Variants in PSD3 observed in about 807,000 individuals in gnomAD.
The protein encoded by PSD3 is pleckstrin and Sec7 domain containing 3.
PSD3 carries 49 observed loss-of-function variants against 105.5 expected under a neutral mutation model. The observed-to-expected ratio is 0.46, with a 90% CI of 0.37 to 0.59. PSD3 has a LOEUF of 0.59. PSD3 is among the 20% of genes least tolerant of loss of function. PSD3 has a pLI of 0.00. For missense variants in PSD3, 1,561 were observed against 1,263.8 expected (o/e 1.24, Z -3.57); for synonymous variants, 557 against 457.8 (o/e 1.22, Z -2.77).
intron 1 of PSD3, among the ~76,000 whole-genome samples, chr8:18,954,191 A>G (rs2129470235): frequency 6.6e-6 from 1 of 152,206 alleles, no homozygotes; most frequent in South Asian, 2.1e-4. Context: ...AAATATTAAC[A>G]CGGCACATAA....
At chr8:18,785,438 C>T (rs1458398574) in intron 8 of PSD3, among the ~76,000 whole-genome samples, 1 of 152,102 alleles carries the variant, frequency 6.6e-6, no homozygotes, top group East Asian at 1.9e-4. Flanking sequence ...TCACCTCTCT[C>T]GACCTTCATA....
rs61695066 is a variant in PSD3 at position 19,064,368 on chromosome 8, G to GTTATT, written c.324+19837_324+19838insAATAA. On this transcript the variant is annotated intron_variant, in intron 1 of 1. Coordinates refer to the PSD3 transcript ENST00000521475. ...AAAAATATTTTTAATTATTAACTATGTTAATTATCTATTTTTAACTGTTAT... is the reference window on the plus strand; with the variant it reads ...AAAAATATTTTTAATTATTAACTATGTTATTTTAATTATCTATTTTTAACTGTTAT... 3.2e-3 allele frequency among the ~76,000 whole-genome samples: 485 copies of GTTATT among 152,040 alleles called. 7 individuals carry two copies. The East Asian group carries it at 0.037, about 12-fold the overall frequency.
chr8:19,072,717 T>A (rs538987132), intron 1 of PSD3, among the ~76,000 whole-genome samples: 2 of 152,238 alleles, frequency 1.3e-5, no homozygotes, highest in Non-Finnish European at 2.9e-5. Flanking sequence ...GAGCCAAAAT[T>A]CGGGTGGATG....
intron 8 of PSD3, chr8:18,775,017 TC>T (rs1339967391): frequency 2.2e-6 from 1 of 453,634 alleles, no homozygotes; most frequent in African/African-American, 2.0e-5. Context: ...CCTGTGCCCC[TC>T]CTCCTCCTAC....
At chr8:18,694,150 C>G (rs62495792) in intron 9 of PSD3, among the ~76,000 whole-genome samples, 15,220 of 152,138 alleles carry the variant, frequency 0.1, 2,090 homozygotes, top group African/African-American at 0.31. Flanking sequence ...CCTGAGGCAC[C>G]ACACAGTAAA....
chr8:18,846,502 G>A (rs1815104131), intron 4 of PSD3, among the ~76,000 whole-genome samples: 1 of 152,112 alleles, frequency 6.6e-6, no homozygotes, highest in Non-Finnish European at 1.5e-5. Context: ...GCTACTCCTG[G>A]GGAAACTCAC....
At chr8:18,793,886 T>C (rs908081728) in intron 8 of PSD3, among the ~76,000 whole-genome samples, 3 of 152,222 alleles carry the variant, frequency 2.0e-5, no homozygotes, top group Non-Finnish European at 4.4e-5. Flanking sequence ...ATGAGGTTCA[T>C]CAATATCATG....
chr8:18,861,470 C>T (rs1816443301), intron 4 of PSD3, among the ~76,000 whole-genome samples: 1 of 152,070 alleles, frequency 6.6e-6, no homozygotes. Context: ...TCCCATATTC[C>T]CACCAGCACT....
chr8:18,557,272 T>G (rs947494068), intron 14 of PSD3, among the ~76,000 whole-genome samples: 1 of 152,244 alleles, frequency 6.6e-6, no homozygotes, highest in African/African-American at 2.4e-5. Flanking sequence ...CAGATCTGAC[T>G]AAATTAGGTG....
At chr8:18,777,508 T>C (rs1425449608) in intron 8 of PSD3, among the ~76,000 whole-genome samples, 1 of 152,262 alleles carries the variant, frequency 6.6e-6, no homozygotes, top group East Asian at 1.9e-4. Flanking sequence ...TTTCATTAGA[T>C]TGTTTATCTG....
chr8:18,798,007 C>T (rs1277461675), intron 8 of PSD3, among the ~76,000 whole-genome samples: 1 of 152,078 alleles, frequency 6.6e-6, no homozygotes, highest in African/African-American at 2.4e-5. Flanking sequence ...CACCAAACAG[C>T]CAGACAAAGC....
Position 18,532,006 on chromosome 8 carries a change from C to T in PSD3, c.*3737G>A, listed in dbSNP as rs1468492092. ...TAACTGATGACTGCAAGGAAAAATG[C>T]CAAAGGAACTCAATTTCAAGGACAA... On this transcript the variant is annotated 3_prime_UTR_variant, in exon 16 of 16. Coordinates refer to ENST00000327040, the MANE Select transcript of PSD3 (RefSeq NM_015310.4). 2 of 152,146 alleles carry T rather than the reference C, an allele frequency of 1.3e-5. No homozygotes were observed. Among genetic ancestry groups the T allele is most frequent in the Non-Finnish European group, 2.9e-5 (2 of 68,032 alleles). The allele number at this position is 152,146 out of a possible 1,614,324, so 9.4% of individuals were successfully genotyped here. A position where few individuals can be genotyped will look rare whatever the true frequency, so the allele number is the denominator to read the frequency against.
At chr8:18,909,134 C>T (rs780868343) in intron 2 of PSD3, among the ~76,000 whole-genome samples, 7 of 152,216 alleles carry the variant, frequency 4.6e-5, no homozygotes, top group Non-Finnish European at 8.8e-5. Flanking sequence ...GGCAAATACT[C>T]TAAGTTGCTT....
chr8:18,939,033 C>T (rs554700150), intron 1 of PSD3, among the ~76,000 whole-genome samples: 2 of 151,870 alleles, frequency 1.3e-5, no homozygotes, highest in Non-Finnish European at 2.9e-5. Context: ...TCAGAAAGAA[C>T]ATTTTTAAAA....
At chr8:18,572,002 T>C (rs1802172143) in intron 14 of PSD3, among the ~76,000 whole-genome samples, 1 of 152,192 alleles carries the variant, frequency 6.6e-6, no homozygotes, top group East Asian at 1.9e-4. Flanking sequence ...TAAATACACT[T>C]GGAGCAGAGT....
intron 2 of PSD3, among the ~76,000 whole-genome samples, chr8:18,917,910 G>T (rs1287666604): frequency 6.6e-6 from 1 of 152,066 alleles, no homozygotes; most frequent in Non-Finnish European, 1.5e-5. Flanking sequence ...CCGGTGTGTG[G>T]GTGTGGGCAG....
At chr8:19,070,045 G>C (rs555650505) in intron 1 of PSD3, among the ~76,000 whole-genome samples, 1 of 151,592 alleles carries the variant, frequency 6.6e-6, no homozygotes, top group Admixed American at 6.6e-5. Flanking sequence ...CCAGAGTTTA[G>C]GCGATTCTCC....
intron 1 of PSD3, among the ~76,000 whole-genome samples, chr8:19,002,612 A>T (rs890717665): frequency 6.6e-6 from 1 of 152,166 alleles, no homozygotes; most frequent in Non-Finnish European, 1.5e-5. Context: ...GCATTTGCAC[A>T]TAACATATTT....
chr8:18,773,094 A>G (rs1807696766), intron 8 of PSD3, among the ~76,000 whole-genome samples: 2 of 152,270 alleles, frequency 1.3e-5, no homozygotes, highest in Non-Finnish European at 2.9e-5. Context: ...TTGCCGGCAC[A>G]TACAATAACG....
Sources: gnomAD v4.1 joint callset for allele counts (sites outside exome capture counted in the v4.1 genomes callset) on GRCh38, gnomAD v4.1.1 for gene constraint, MANE v1.5 for transcripts, NCBI Gene and HGNC (gene_info 2026-07-23, HGNC 2026-07-21) for gene names.